The following BARD1 variants were observed in gnomAD, a reference collection of about 807,000 sequenced individuals.
BARD1 encodes BRCA1 associated RING domain 1.
A neutral mutation model predicts 77.0 loss-of-function variants in BARD1; 73 were observed. The ratio of observed to expected loss-of-function variants is 0.95; its 90% CI spans 0.79 to 1.15. BARD1 has a LOEUF of 1.15. BARD1 is among the 50% of genes most tolerant of loss of function. The probability of loss-of-function intolerance (pLI) is 0.00; values close to 1 mark genes in which losing one functional copy is unlikely to be tolerated. For synonymous variants in BARD1, 384 were observed against 338.0 expected, an observed-to-expected ratio of 1.14 and a Z score of -1.49; for missense variants, 993 against 938.8, an observed-to-expected ratio of 1.06 and a Z score of -0.75.
rs1276963470 is a variant in BARD1, at chr2:214,728,281, T to TGAA, written c.*394_*395insTTC. The TGAA allele has an allele frequency of 7.1e-6, 1 of 140,492 alleles. No homozygotes were observed. The highest frequency in any genetic ancestry group is 1.4e-5 in the Non-Finnish European group (1 of 73,428). 8.7% of individuals were successfully genotyped at this position (140,492 alleles called of 1,614,324 possible). On this transcript the variant is annotated 3_prime_UTR_variant, in exon 11 of 11. Transcript: ENST00000260947. Reference sequence around the variant, plus strand: ...AATTGTTTGATAATATTCTGTTTACTAAAAAAAAAAAAAAAAAAAAGGCAA... The same window carrying TGAA: ...AATTGTTTGATAATATTCTGTTTACTGAAAAAAAAAAAAAAAAAAAAAAGGCAA...
chr2:214,759,695 C>T (rs1159121013), intron 6 of BARD1, among the ~76,000 whole-genome samples: 2 of 151,960 alleles, frequency 1.3e-5, no homozygotes, highest in Admixed American at 1.3e-4. Flanking sequence ...CATTCGAATC[C>T]TCCATAATTA....
intron 3 of BARD1, among the ~76,000 whole-genome samples, chr2:214,783,599 A>C (rs760358745): frequency 1.3e-5 from 2 of 152,054 alleles, no homozygotes; most frequent in Non-Finnish European, 2.9e-5. Flanking sequence ...CATTAGGACA[A>C]ATACCTAATG....
chr2:214,753,102 A>C (rs1395328197), intron 6 of BARD1, among the ~76,000 whole-genome samples: 1 of 152,200 alleles, frequency 6.6e-6, no homozygotes, highest in Non-Finnish European at 1.5e-5. Flanking sequence ...ATTATGGCTC[A>C]GAGAGATACA....
chr2:214,740,820 A>ATT (rs1007329378), intron 9 of BARD1, among the ~76,000 whole-genome samples: 1 of 151,066 alleles, frequency 6.6e-6, no homozygotes, highest in Non-Finnish European at 1.5e-5. Context: ...AAAGGATGTT[A>ATT]TTTTTTTTTA....
intron 3 of BARD1, 42 bp from the exon 4 acceptor site, chr2:214,781,551 A>T: frequency 6.5e-7 from 1 of 1,548,354 alleles, no homozygotes; most frequent in South Asian, 1.1e-5. Context: ...CATGAAATTT[A>T]TTGCTCCCAC....
intron 7 of BARD1, among the ~76,000 whole-genome samples, chr2:214,746,127 T>C (rs969765130): frequency 2.0e-5 from 3 of 152,194 alleles, no homozygotes; most frequent in Admixed American, 6.5e-5. Flanking sequence ...TTTTACTTCA[T>C]TCAGTCACCA....
chr2:214,786,919 A>G (rs1485071933), intron 3 of BARD1, among the ~76,000 whole-genome samples: 1 of 151,974 alleles, frequency 6.6e-6, no homozygotes, highest in Admixed American at 6.6e-5. Flanking sequence ...TGCAGTGGTA[A>G]GTAGATTTCA....
intron 5 of BARD1, 23 bp downstream of exon 5, chr2:214,769,209 G>A (rs751414694): frequency 1.3e-6 from 2 of 1,577,940 alleles, no homozygotes; most frequent in East Asian, 2.2e-5. Flanking sequence ...CAGAAAGAAT[G>A]AGAATAAAAA....
At chr2:214,730,653 C>G in intron 9 of BARD1, 145 bp from the exon 10 acceptor site, 1 of 697,496 alleles carries the variant, frequency 1.4e-6, no homozygotes, top group Admixed American at 2.4e-5. Flanking sequence ...AGAAATCTTA[C>G]TTATGCCAAA....
At chr2:214,737,685 T>C (rs556072929) in intron 9 of BARD1, among the ~76,000 whole-genome samples, 1 of 152,294 alleles carries the variant, frequency 6.6e-6, no homozygotes, top group African/African-American at 2.4e-5. Flanking sequence ...CAAATGGTGA[T>C]ACATTATCAA....
chr2:214,756,489 G>A (rs932458937), intron 6 of BARD1, among the ~76,000 whole-genome samples: 2 of 152,196 alleles, frequency 1.3e-5, no homozygotes, highest in African/African-American at 4.8e-5. Flanking sequence ...TGTCTACCCA[G>A]AGGAAAAGAA....
At chr2:214,760,588 G>A (rs1174470823) in intron 6 of BARD1, among the ~76,000 whole-genome samples, 1 of 152,118 alleles carries the variant, frequency 6.6e-6, no homozygotes, top group Non-Finnish European at 1.5e-5. Flanking sequence ...TGACATCCGA[G>A]ACTAACTCTA....
At chr2:214,740,105 C>T (rs1692752362) in intron 9 of BARD1, among the ~76,000 whole-genome samples, 1 of 151,852 alleles carries the variant, frequency 6.6e-6, no homozygotes, top group South Asian at 2.1e-4. Context: ...GTCTAACGTC[C>T]AAAAATTCTC....
At chr2:214,766,124 T>A (rs772626186) in intron 6 of BARD1, among the ~76,000 whole-genome samples, 1 of 152,160 alleles carries the variant, frequency 6.6e-6, no homozygotes, top group East Asian at 1.9e-4. Context: ...TAGGGAGACA[T>A]GAACCAAGTT....
intron 1 of BARD1, among the ~76,000 whole-genome samples, chr2:214,804,758 C>A (rs1244789358): frequency 6.6e-6 from 1 of 152,220 alleles, no homozygotes; most frequent in Non-Finnish European, 1.5e-5. Flanking sequence ...TGTCTTAACT[C>A]TCTGTTCACC....
At chr2:214,784,352 C>T (rs1446116076) in intron 3 of BARD1, among the ~76,000 whole-genome samples, 1 of 152,038 alleles carries the variant, frequency 6.6e-6, no homozygotes, top group East Asian at 1.9e-4. Flanking sequence ...GTTAGAATGG[C>T]GATCATTAAA....
chr2:214,796,689 C>G, intron 2 of BARD1: 1 of 213,994 alleles, frequency 4.7e-6, no homozygotes, highest in Non-Finnish European at 9.5e-6. Flanking sequence ...GTTATGGCAG[C>G]CTTAGGAAAC....
Position 214,792,453 on chromosome 2 carries a change from A to G in BARD1, c.216-8T>C, listed in dbSNP as rs1064795148. 1 of 1,543,132 alleles carries G rather than the reference A, an allele frequency of 6.5e-7. No homozygotes were observed. The highest frequency in any genetic ancestry group is 8.7e-7 in the Non-Finnish European group (1 of 1,152,830). On this transcript the variant is annotated splice_polypyrimidine_tract_variant and splice_region_variant and intron_variant, in intron 2 of 10. Transcript: ENST00000260947. ...CAGTCACTTACACAATTACTTTAAA[A>G]TAATTAAAAAAAAAAAAAAAAGCAA...
At chr2:214,770,390 A>G (rs989364916) in intron 4 of BARD1, among the ~76,000 whole-genome samples, 1 of 152,228 alleles carries the variant, frequency 6.6e-6, no homozygotes, top group Non-Finnish European at 1.5e-5. Context: ...CAATGTTATA[A>G]CAGTAGCAAC....
Sources: gnomAD v4.1 joint callset for allele counts (sites outside exome capture counted in the v4.1 genomes callset) on GRCh38, gnomAD v4.1.1 for gene constraint, MANE v1.5 for transcripts, NCBI Gene and HGNC (gene_info 2026-07-23, HGNC 2026-07-21) for gene names.